The following CPNE8 variants were observed in gnomAD, a reference collection of about 807,000 sequenced individuals.
CPNE8 encodes the protein copine 8.
In CPNE8, 45 loss-of-function variants were observed where a neutral mutation model predicts 81.5. The observed-to-expected ratio is 0.55, with a 90% CI of 0.44 to 0.71. The LOEUF is 0.71. Among genes scored for constraint, CPNE8 ranks in the 30% least tolerant of loss-of-function variants. CPNE8 has a pLI of 0.00. For synonymous variants in CPNE8, 252 were observed against 226.3 expected, an observed-to-expected ratio of 1.11 and a Z score of -1.02; for missense variants, 594 against 672.1, an observed-to-expected ratio of 0.88 and a Z score of 1.28.
intron 14 of CPNE8, among the ~76,000 whole-genome samples, chr12:38,699,244 T>A (rs979908145): frequency 6.6e-5 from 10 of 152,226 alleles, no homozygotes; most frequent in African/African-American, 2.4e-4. Flanking sequence ...CCATATTTGT[T>A]TATTTTATGA....
intron 5 of CPNE8, among the ~76,000 whole-genome samples, chr12:38,839,306 C>T (rs1329479340): frequency 1.3e-5 from 2 of 151,996 alleles, no homozygotes; most frequent in African/African-American, 4.8e-5. Context: ...CCAACTACTC[C>T]TGGACCTGGA....
chr12:38,675,792 A>G lies in CPNE8; in HGVS notation c.1375-18T>C, dbSNP rs1243174804. The G allele has an allele frequency of 1.3e-6, 2 of 1,521,458 alleles. No individual in the cohort carries two copies. The highest frequency in any genetic ancestry group is 1.8e-6 in the Non-Finnish European group (2 of 1,096,760). The allele number at this position is 1,521,458 out of a possible 1,614,324, so 94.2% of individuals were successfully genotyped here. A position where few individuals can be genotyped will look rare whatever the true frequency, so the allele number is the denominator to read the frequency against. ...TTTGAGGCCTTCAAAGAGAATATAC[A>G]ATTAGGTTTCAATTAAGAAATTGAG... On this transcript the variant is annotated intron_variant, in intron 17 of 19. Transcript: ENST00000331366.
At chr12:38,835,952 T>G (rs1445140993) in intron 5 of CPNE8, among the ~76,000 whole-genome samples, 2 of 152,184 alleles carry the variant, frequency 1.3e-5, no homozygotes, top group Non-Finnish European at 2.9e-5. Context: ...TATGAAAATT[T>G]AGTATATAGA....
chr12:38,860,126 G>A (rs1334927425), intron 3 of CPNE8, among the ~76,000 whole-genome samples: 1 of 151,854 alleles, frequency 6.6e-6, no homozygotes, highest in African/African-American at 2.4e-5. Context: ...ACCTACAGAA[G>A]GAGAAAATAT....
At chr12:38,676,114 TA>T (rs11418735) in intron 17 of CPNE8, 1,566 of 268,838 alleles carry the variant, frequency 5.8e-3, no homozygotes, top group South Asian at 7.5e-3. Context: ...AGAGCCTGTC[TA>T]AAAAAAAAAA....
At chr12:38,734,146 A>G (rs1045275484) in intron 10 of CPNE8, among the ~76,000 whole-genome samples, 5 of 151,990 alleles carry the variant, frequency 3.3e-5, no homozygotes, top group African/African-American at 1.2e-4. Context: ...TGAAGGCAAG[A>G]AAGGTATTAA....
At chr12:38,742,948 T>C (rs12578804) in intron 10 of CPNE8, among the ~76,000 whole-genome samples, 7,707 of 151,912 alleles carry the variant, frequency 0.051, 443 homozygotes, top group East Asian at 0.33. Context: ...TGCATCAATA[T>C]AGAAATTTAG....
At chr12:38,778,342 C>T (rs1236660306) in intron 6 of CPNE8, among the ~76,000 whole-genome samples, 1 of 152,168 alleles carries the variant, frequency 6.6e-6, no homozygotes, top group Non-Finnish European at 1.5e-5. Context: ...GGACATATCA[C>T]TGTTGCTAAG....
intron 18 of CPNE8, among the ~76,000 whole-genome samples, chr12:38,671,899 T>C (rs987905456): frequency 6.6e-6 from 1 of 152,256 alleles, no homozygotes; most frequent in East Asian, 1.9e-4. Flanking sequence ...GTGTACAATA[T>C]ATATCATAAT....
chr12:38,751,934 G>T (rs1289918762), intron 10 of CPNE8, among the ~76,000 whole-genome samples: 1 of 152,006 alleles, frequency 6.6e-6, no homozygotes, highest in African/African-American at 2.4e-5. Flanking sequence ...CTACTGCTAC[G>T]CTGCTCTCTT....
At chr12:38,688,598 GGTGT>G (rs56769844) in intron 15 of CPNE8, among the ~76,000 whole-genome samples, 14 of 148,642 alleles carry the variant, frequency 9.4e-5, no homozygotes, top group African/African-American at 2.2e-4. Context: ...AAGAAAATGT[GGTGT>G]GTGTGTGTGT....
chr12:38,724,420 T>C (rs1940645601), intron 12 of CPNE8, among the ~76,000 whole-genome samples: 1 of 152,178 alleles, frequency 6.6e-6, no homozygotes, highest in Non-Finnish European at 1.5e-5. Context: ...TAGTACACCA[T>C]TCCCACAGAG....
intron 6 of CPNE8, among the ~76,000 whole-genome samples, chr12:38,817,142 T>C (rs1229927822): frequency 2.0e-5 from 3 of 152,314 alleles, no homozygotes; most frequent in Non-Finnish European, 2.9e-5. Flanking sequence ...GAAAACTCTG[T>C]AGAGTTAGAG....
At chr12:38,818,536 T>C (rs2137001943) in intron 6 of CPNE8, among the ~76,000 whole-genome samples, 1 of 152,358 alleles carries the variant, frequency 6.6e-6, no homozygotes, top group South Asian at 2.1e-4. Flanking sequence ...CTATCATTGA[T>C]GGGCATTTCG....
rs1353981430 is a variant in CPNE8 at position 38,740,398 on chromosome 12, C to G, written c.723-10040G>C. On this transcript the variant is annotated intron_variant, in intron 10 of 19. Transcript: ENST00000331366. ...ATTGAATACTGTTTCTTTCTCCTGC[C>G]TGATTGCCGTGGCCAGAACTTCCAA... Among the ~76,000 whole-genome samples, 45 of 152,170 alleles carry G rather than the reference C, an allele frequency of 3.0e-4. 1 individual carries two copies. Among genetic ancestry groups the G allele is most frequent in the Admixed American group, 2.9e-3 (45 of 15,270 alleles).
intron 6 of CPNE8, among the ~76,000 whole-genome samples, chr12:38,799,198 C>A (rs150191372): frequency 1.3e-5 from 2 of 152,020 alleles, no homozygotes; most frequent in African/African-American, 2.4e-5. Flanking sequence ...ACCAAGGGGA[C>A]CTAATAGACA....
chr12:38,815,171 G>A (rs991507468), intron 6 of CPNE8, among the ~76,000 whole-genome samples: 10 of 152,194 alleles, frequency 6.6e-5, no homozygotes, highest in South Asian at 4.1e-4. Flanking sequence ...GCCACCACTG[G>A]GTCCTGGGCT....
intron 10 of CPNE8, among the ~76,000 whole-genome samples, chr12:38,737,665 A>T (rs1428679092): frequency 3.9e-5 from 6 of 152,074 alleles, no homozygotes; most frequent in Non-Finnish European, 8.8e-5. Flanking sequence ...CATCACTACC[A>T]CATGTCATTG....
chr12:38,714,671 G>T (rs780540523), intron 13 of CPNE8, among the ~76,000 whole-genome samples: 3 of 151,744 alleles, frequency 2.0e-5, no homozygotes, highest in Non-Finnish European at 2.9e-5. Context: ...GTATTTCAGA[G>T]AATATTTGAA....
Sources: gnomAD v4.1 joint callset for allele counts (sites outside exome capture counted in the v4.1 genomes callset) on GRCh38, gnomAD v4.1.1 for gene constraint, MANE v1.5 for transcripts, NCBI Gene and HGNC (gene_info 2026-07-23, HGNC 2026-07-21) for gene names.